The following CDK6 variants were observed in gnomAD, a reference collection of about 807,000 sequenced individuals.
CDK6 encodes the protein cyclin-dependent kinase 6.
A neutral mutation model predicts 37.1 loss-of-function variants in CDK6; 6 were observed. That is an observed-to-expected ratio of 0.16 (90% CI 0.09 to 0.32). The LOEUF is 0.32. Among genes scored for constraint, CDK6 ranks in the 10% least tolerant of loss-of-function variants. The pLI is 1.00. For missense variants in CDK6, 224 were observed against 418.9 expected, an observed-to-expected ratio of 0.53 and a Z score of 4.06; for synonymous variants, 160 against 161.3, an observed-to-expected ratio of 0.99 and a Z score of 0.06.
At chr7:92,749,676 GGT>G (rs1274867795) in intron 3 of CDK6, among the ~76,000 whole-genome samples, 1 of 152,054 alleles carries the variant, frequency 6.6e-6, no homozygotes, top group Non-Finnish European at 1.5e-5. Flanking sequence ...GCACTTGGTG[GGT>G]GTGTCCTGTA....
At chr7:92,740,285 T>G (rs1798889195) in intron 3 of CDK6, among the ~76,000 whole-genome samples, 1 of 152,206 alleles carries the variant, frequency 6.6e-6, no homozygotes, top group Non-Finnish European at 1.5e-5. Flanking sequence ...TTTCCTGGAA[T>G]GCTTGCTCCA....
At position 92,740,810 on chromosome 7, in the gene CDK6, T is replaced by C. The variant is rs73710471; in HGVS notation, c.370-15017A>G. Among the ~76,000 whole-genome samples, 479 of 152,146 alleles carry C rather than the reference T, an allele frequency of 3.1e-3. 3 individuals carry two copies. The highest frequency in any genetic ancestry group is 0.011 in the African/African-American group (452 of 41,508). On this transcript the variant is annotated intron_variant, in intron 3 of 7. Transcript: ENST00000424848. ...AACCGAATTTGAGAAGCCAGAAAGG[T>C]GCCTAACACACACAAGGCCCATATC...
chr7:92,748,479 CAA>C (rs1799111955), intron 3 of CDK6, among the ~76,000 whole-genome samples: 1 of 152,194 alleles, frequency 6.6e-6, no homozygotes, highest in Admixed American at 6.5e-5. Context: ...AGAAAATACA[CAA>C]GAGAAGAATC....
chr7:92,677,545 G>A (rs188015218), intron 4 of CDK6, among the ~76,000 whole-genome samples: 1 of 152,338 alleles, frequency 6.6e-6, no homozygotes, highest in African/African-American at 2.4e-5. Context: ...CTTGAACCTG[G>A]GAGGTGGAGG....
At chr7:92,799,093 G>C (rs972287829) in intron 2 of CDK6, among the ~76,000 whole-genome samples, 2 of 152,016 alleles carry the variant, frequency 1.3e-5, no homozygotes, top group Admixed American at 1.3e-4. Context: ...GTTTAACTGT[G>C]CCTATCTCTA....
At position 92,833,041 on chromosome 7, in the gene CDK6, C is replaced by G. The variant is rs1801532589; in HGVS notation, c.233+50G>C. The G allele has an allele frequency of 7.3e-7, 1 of 1,369,222 alleles. No homozygotes were observed. The highest frequency in any genetic ancestry group is 1.0e-6 in the Non-Finnish European group (1 of 1,004,202). The allele number at this position is 1,369,222 out of a possible 1,614,324, so 84.8% of individuals were successfully genotyped here. On this transcript the variant is annotated intron_variant, in intron 2 of 7. Transcript: ENST00000424848. This position sits in a 1 kb window ranked among gnomAD's most constrained non-coding sequence, Gnocchi z 6.1. ...GCCTGAGGATTCCCGGCTCGGCCCTCCCCGCGCGCGCGAGGCCCCAGATGG... is the reference window on the plus strand; with the variant it reads ...GCCTGAGGATTCCCGGCTCGGCCCTGCCCGCGCGCGCGAGGCCCCAGATGG...
At chr7:92,723,355 T>C (rs1348973372) in intron 4 of CDK6, among the ~76,000 whole-genome samples, 1 of 152,202 alleles carries the variant, frequency 6.6e-6, no homozygotes, top group African/African-American at 2.4e-5. Flanking sequence ...TAACTTGTAA[T>C]TCCTTTAACA....
At chr7:92,820,981 G>C (rs1380206918) in intron 2 of CDK6, among the ~76,000 whole-genome samples, 1 of 151,690 alleles carries the variant, frequency 6.6e-6, no homozygotes, top group Non-Finnish European at 1.5e-5. Flanking sequence ...AGCTGGGGGT[G>C]GGGGGGTGGA....
chr7:92,749,838 T>G (rs1173465362), intron 3 of CDK6, among the ~76,000 whole-genome samples: 1 of 152,160 alleles, frequency 6.6e-6, no homozygotes, highest in Non-Finnish European at 1.5e-5. Flanking sequence ...ACCAGGGAAA[T>G]AGGATAATAA....
At chr7:92,746,243 C>A (rs1799054770) in intron 3 of CDK6, among the ~76,000 whole-genome samples, 1 of 152,128 alleles carries the variant, frequency 6.6e-6, no homozygotes, top group Non-Finnish European at 1.5e-5. Context: ...CCTCCTTTTG[C>A]CCTTGTACCA....
chr7:92,652,323 T>G (rs189199735), intron 5 of CDK6, among the ~76,000 whole-genome samples: 3 of 152,288 alleles, frequency 2.0e-5, no homozygotes, highest in Admixed American at 2.0e-4. Flanking sequence ...GGACTGTAAT[T>G]TAGCTACTCC....
At chr7:92,814,259 A>G (rs888470194) in intron 2 of CDK6, among the ~76,000 whole-genome samples, 5 of 152,186 alleles carry the variant, frequency 3.3e-5, no homozygotes, top group Non-Finnish European at 7.3e-5. Flanking sequence ...GAAGAATGAA[A>G]CAATGTTCTT....
chr7:92,823,100 A>C (rs1801213264), intron 2 of CDK6, among the ~76,000 whole-genome samples: 1 of 151,866 alleles, frequency 6.6e-6, no homozygotes. Context: ...TAAAGTGAAA[A>C]AAAAAAAAAC....
rs554676464 is a variant in CDK6, at chr7:92,692,461, GC to G, written c.538-20927del. On this transcript the variant is annotated intron_variant, in intron 4 of 7. Transcript: ENST00000424848. ...GTACCTTGCTGCCTGAATTTCTAAG[GC>G]TATGAAACTGCTACCTATGAAGAGT... 3.9e-5 allele frequency among the ~76,000 whole-genome samples: 6 copies of G among 152,070 alleles called. No homozygotes were observed. The East Asian group carries it at 1.2e-3, about 30-fold the overall frequency.
intron 1 of CDK6, 133 bp downstream of exon 1, chr7:92,836,345 C>G (rs1041922141): frequency 1.3e-5 from 2 of 151,786 alleles, no homozygotes; most frequent in South Asian, 4.2e-4. Flanking sequence ...CAAGGAAACA[C>G]AGGTCCCCCC....
intron 5 of CDK6, among the ~76,000 whole-genome samples, chr7:92,644,469 C>T (rs917639093): frequency 7.9e-5 from 12 of 152,196 alleles, no homozygotes; most frequent in Non-Finnish European, 1.5e-4. Flanking sequence ...AGGCCCTCTA[C>T]TCCCTGGCTT....
intron 2 of CDK6, among the ~76,000 whole-genome samples, chr7:92,816,139 T>A (rs1355384979): frequency 2.6e-5 from 4 of 152,148 alleles, no homozygotes; most frequent in Non-Finnish European, 5.9e-5. Context: ...CAGTTGACAA[T>A]GTCATAGTCA....
intron 4 of CDK6, among the ~76,000 whole-genome samples, chr7:92,701,543 C>CT: frequency 6.6e-6 from 1 of 152,038 alleles, no homozygotes; most frequent in South Asian, 2.1e-4. Flanking sequence ...GTAGCTGGGA[C>CT]TACAGGCGCC....
chr7:92,823,348 T>C (rs1801222619), intron 2 of CDK6, among the ~76,000 whole-genome samples: 1 of 147,880 alleles, frequency 6.8e-6, no homozygotes, highest in African/African-American at 2.5e-5. Context: ...TCTAATCAGC[T>C]AGAAGTTAAA....
Sources: allele counts gnomAD v4.1 joint callset (sites outside exome capture counted in the v4.1 genomes callset), GRCh38; gene constraint gnomAD v4.1.1; non-coding constraint Gnocchi (gnomAD v3.1); transcripts MANE v1.5; gene names NCBI Gene and HGNC (gene_info 2026-07-23, HGNC 2026-07-21).